The following DNAAF5 variants were observed in gnomAD, a reference collection of about 807,000 sequenced individuals.
The protein encoded by DNAAF5 is HEAT repeat containing 2.
Under a neutral mutation model 75.8 loss-of-function variants are expected in DNAAF5, and 64 were observed. The observed-to-expected ratio is 0.84, with a 90% CI of 0.69 to 1.04. DNAAF5 has a LOEUF of 1.04. DNAAF5 is among the 50% of genes least tolerant of loss of function. The pLI, the probability that DNAAF5 is intolerant of heterozygous loss-of-function variation, is 0.00. For synonymous variants in DNAAF5, 657 were observed against 557.2 expected (o/e 1.18, Z -2.52); for missense variants, 1,269 against 1,178.5 (o/e 1.08, Z -1.12).
rs145565460 is a variant in DNAAF5, at chr7:733,314, TA to T, written c.780+3468del. ...TCGAGGTTCCATATAAATTTAGGAT[TA>T]TTTTTTCTATTTCTGTGAAGAATGT... On this transcript the variant is annotated intron_variant, in intron 2 of 12. Transcript: ENST00000297440. Among the ~76,000 whole-genome samples, 661 of 152,336 alleles carry T rather than the reference TA, an allele frequency of 4.3e-3. 8 individuals are homozygous for T. Among genetic ancestry groups the T allele is most frequent in the African/African-American group, 0.015 (637 of 41,570 alleles).
rs1782416372 is a variant in DNAAF5 at position 754,373 on chromosome 7, G to A, written c.1025-216G>A. On this transcript the variant is annotated intron_variant, in intron 4 of 12. Transcript: ENST00000297440. This position sits in a 1 kb window ranked among gnomAD's most constrained non-coding sequence, Gnocchi z 4.8. ...CTTCCTGGGCTCTAGTGATCCACCT[G>A]CCTTGGCCTCCACAGGGCTAGGACT... is the stretch of plus-strand genomic sequence containing the variant. Among the ~76,000 whole-genome samples, 1 of 152,150 alleles carries A rather than the reference G, an allele frequency of 6.6e-6. No homozygotes were observed. The highest frequency in any genetic ancestry group is 6.5e-5 in the Admixed American group (1 of 15,276).
chr7:727,481 C>T (rs1160633693), intron 1 of DNAAF5, 166 bp downstream of exon 1: 1 of 309,424 alleles, frequency 3.2e-6, no homozygotes, highest in East Asian at 5.0e-5. Flanking sequence ...CCCGCCTGCC[C>T]CAAAGCACCC....
rs774152709 is a variant in DNAAF5, at chr7:780,029, G to C, written c.2316G>C (p.Gln772His). 1 of 1,614,138 alleles carries C rather than the reference G, an allele frequency of 6.2e-7. No homozygotes were observed. Among genetic ancestry groups the C allele is most frequent in the Non-Finnish European group, 8.5e-7 (1 of 1,180,046 alleles). ...CCTCCACCTTGGTCACCTGGCTGCA[G>C]TGTGTCAAGGGTGCCAACGCAAAAT... ...AAASTLVTWLQCVKGANAKSY... is the reference protein window; with the variant it reads ...AAASTLVTWLHCVKGANAKSY... Residue 772 changes from glutamine (Q) to histidine (H), a missense_variant, in exon 12 of 13, where the codon CAG (glutamine) becomes CAC (histidine). Transcript: ENST00000297440.
intron 12 of DNAAF5, among the ~76,000 whole-genome samples, chr7:781,026 T>A (rs1285458804): frequency 6.6e-6 from 1 of 152,218 alleles, no homozygotes; most frequent in Admixed American, 6.5e-5. Context: ...TTACACTTTC[T>A]TTGTGTTACA....
At chr7:746,078 T>C (rs1411117936) in intron 4 of DNAAF5, among the ~76,000 whole-genome samples, 2 of 152,252 alleles carry the variant, frequency 1.3e-5, no homozygotes, top group Non-Finnish European at 2.9e-5. Flanking sequence ...TTCTCCAGTC[T>C]GTAGATTTGA....
intron 10 of DNAAF5, 57 bp from the exon 11 acceptor site, chr7:774,948 AC>A: frequency 2.6e-6 from 4 of 1,527,406 alleles, no homozygotes; most frequent in Non-Finnish European, 2.7e-6. Context: ...GATGGTGAGC[AC>A]CCCCACCCCA....
intron 8 of DNAAF5, among the ~76,000 whole-genome samples, chr7:769,816 T>A (rs570938922): frequency 6.6e-6 from 1 of 152,170 alleles, no homozygotes; most frequent in East Asian, 1.9e-4. Flanking sequence ...ATTTTGTATT[T>A]TTAGTAGAGA....
In DNAAF5 at chr7:727,053, C is replaced by G. The variant is rs1198130055; in HGVS notation, c.333C>G (p.Arg111=). The G allele has an allele frequency of 3.7e-6, 4 of 1,086,642 alleles. No homozygotes were observed. In the African/African-American group the frequency reaches 6.8e-5, roughly 18 times the overall value. The allele number at this position is 1,086,642 out of a possible 1,614,324, so 67.3% of individuals were successfully genotyped here. The change falls in exon 1 of 13, where the codon CGC becomes CGG. Residue 111 remains arginine, a synonymous_variant. Coordinates refer to ENST00000297440, the MANE Select transcript of DNAAF5 (RefSeq NM_017802.4). Reference sequence around the variant, plus strand: ...GCCTGCGCCGCGCCGCGCGGCCCCGCGATGCCCTGCCGCGCCTGCTGCCCG... The same window carrying G: ...GCCTGCGCCGCGCCGCGCGGCCCCGGGATGCCCTGCCGCGCCTGCTGCCCG... ...DLGLRRAARP[R]DALPRLLPAL...
At chr7:769,050 C>T (rs1193010886) in intron 8 of DNAAF5, 2 of 666,412 alleles carry the variant, frequency 3.0e-6, no homozygotes, top group African/African-American at 3.5e-5. Flanking sequence ...GGTCTCACCG[C>T]GAGGCCTGAC....
rs534449390 is a variant in DNAAF5, at chr7:754,335, A to G, written c.1025-254A>G. Among the ~76,000 whole-genome samples, 59 of 152,266 alleles carry G rather than the reference A, an allele frequency of 3.9e-4. No individual in the cohort carries two copies. In the South Asian group the frequency reaches 0.012, roughly 31 times the overall value. Reference sequence around the variant, plus strand: ...AGATGGGGTCTTTGCCATGTTGCCCAGGCTGGTCTTGACTTCCTGGGCTCT... The same window carrying G: ...AGATGGGGTCTTTGCCATGTTGCCCGGGCTGGTCTTGACTTCCTGGGCTCT... On this transcript the variant is annotated intron_variant, in intron 4 of 12. Coordinates refer to ENST00000297440, the MANE Select transcript of DNAAF5 (RefSeq NM_017802.4). The surrounding 1 kb of genome is among the most constrained non-coding windows in gnomAD (Gnocchi z 4.8).
At chr7:770,953 A>C in intron 9 of DNAAF5, 2 of 89,068 alleles carry the variant, frequency 2.2e-5, no homozygotes, top group East Asian at 1.5e-4. Context: ...GTCCATCCTC[A>C]CTGGGTAAAC....
At chr7:765,165 C>T (rs1489315757) in intron 8 of DNAAF5, among the ~76,000 whole-genome samples, 2 of 152,100 alleles carry the variant, frequency 1.3e-5, no homozygotes, top group African/African-American at 2.4e-5. Context: ...GACGTGCACT[C>T]GGGGCATTAA....
chr7:785,089 C>T (rs1430684958), intron 12 of DNAAF5, among the ~76,000 whole-genome samples: 1 of 151,964 alleles, frequency 6.6e-6, no homozygotes, highest in Non-Finnish European at 1.5e-5. Context: ...CCATCCGCTG[C>T]ATCAGGTCGC....
At chr7:761,618 C>T (rs1039150066) in intron 6 of DNAAF5, 135 bp from the exon 7 acceptor site, 35 of 848,612 alleles carry the variant, frequency 4.1e-5, no homozygotes, top group African/African-American at 3.6e-4. Context: ...AGACCCACCC[C>T]CATGATTCAG....
chr7:783,714 C>T (rs1214822508), intron 12 of DNAAF5, among the ~76,000 whole-genome samples: 4 of 152,198 alleles, frequency 2.6e-5, no homozygotes, highest in African/African-American at 9.6e-5. Flanking sequence ...CCACGCAACG[C>T]CCCCAGCTCC....
chr7:742,973 A>T (rs1489900227), intron 4 of DNAAF5, among the ~76,000 whole-genome samples: 6 of 152,240 alleles, frequency 3.9e-5, no homozygotes, highest in African/African-American at 1.4e-4. Flanking sequence ...TTGCAGTCTC[A>T]ACTTACTTCC....
At chr7:767,838 C>T (rs1308127183) in intron 8 of DNAAF5, among the ~76,000 whole-genome samples, 16 of 149,602 alleles carry the variant, frequency 1.1e-4, no homozygotes, top group Admixed American at 9.3e-4. Flanking sequence ...GTGGAAGTGT[C>T]CCTGCTGCGA....
chr7:761,428 A>C (rs1169691955), intron 6 of DNAAF5, among the ~76,000 whole-genome samples: 1 of 152,272 alleles, frequency 6.6e-6, no homozygotes, highest in African/African-American at 2.4e-5. Flanking sequence ...TATAAAGAAA[A>C]AGAGGCTTAA....
At chr7:731,881 G>A (rs1031289199) in intron 2 of DNAAF5, among the ~76,000 whole-genome samples, 3 of 151,976 alleles carry the variant, frequency 2.0e-5, no homozygotes, top group East Asian at 1.9e-4. Flanking sequence ...CTGCGACCCC[G>A]TCCTGGAGCT....
Sources: gnomAD v4.1 joint callset for allele counts (sites outside exome capture counted in the v4.1 genomes callset) on GRCh38, gnomAD v4.1.1 for gene constraint, Gnocchi (gnomAD v3.1) non-coding constraint, MANE v1.5 for transcripts, NCBI Gene and HGNC (gene_info 2026-07-23, HGNC 2026-07-21) for gene names.